Variants in LRPPRC observed in about 807,000 individuals in gnomAD.
LRPPRC encodes the protein leucine-rich PPR motif-containing protein, mitochondrial.
In LRPPRC, 120 loss-of-function variants were observed where a neutral mutation model predicts 180.3. The observed-to-expected ratio is 0.67, with a 90% CI of 0.57 to 0.77. The LOEUF (loss-of-function observed/expected upper bound fraction) is 0.77, where lower values mean the gene tolerates loss of function less well. LRPPRC is among the 30% of genes least tolerant of loss of function. The pLI is 0.00. For synonymous variants in LRPPRC, 723 were observed against 600.0 expected (o/e 1.21, Z -3.00); for missense variants, 2,012 against 1,657.2 (o/e 1.21, Z -3.72).
intron 1 of LRPPRC, among the ~76,000 whole-genome samples, chr2:43,985,542 A>T (rs1255916110): frequency 6.6e-6 from 1 of 152,074 alleles, no homozygotes; most frequent in Middle Eastern, 3.2e-3. Flanking sequence ...ACCTGTCTCT[A>T]GTTTTGCCTT....
Position 43,957,377 on chromosome 2 carries a change from C to T in LRPPRC, c.1649+8G>A, listed in dbSNP as rs370119141. 3.2e-5 allele frequency: 51 copies of T among 1,603,334 alleles called. No homozygotes were observed. Among genetic ancestry groups the T allele is most frequent in the Admixed American group, 1.7e-4 (10 of 59,988 alleles). On this transcript the variant is annotated splice_region_variant and intron_variant, in intron 14 of 37. Transcript: ENST00000260665. ...TCAGGCAAGGAACATTTAAGTTGAT[C>T]ATCTTACCTCCTGAAGCCTAGCAGT...
Position 43,981,994 on chromosome 2 carries a change from GC to G in LRPPRC, c.346+243del, listed in dbSNP as rs150989251. ...GCGATCTTAGCTCACTACAACCTCT[GC>G]CTCCTGGGTTCAAGCGATTCTCATG... On this transcript the variant is annotated intron_variant, in intron 2 of 37. Transcript: ENST00000260665. 0.07 allele frequency among the ~76,000 whole-genome samples: 10,711 copies of G among 152,062 alleles called. 526 individuals carry two copies. The highest frequency in any genetic ancestry group is 0.14 in the South Asian group (653 of 4,816).
chr2:43,961,124 TAAGC>T (rs1164776300), intron 12 of LRPPRC, among the ~76,000 whole-genome samples: 1 of 151,920 alleles, frequency 6.6e-6, no homozygotes. Flanking sequence ...TAATCAGCAA[TAAGC>T]AAGGATAAAA....
chr2:43,967,383 T>C (rs1358732427), intron 11 of LRPPRC, among the ~76,000 whole-genome samples: 1 of 118,554 alleles, frequency 8.4e-6, no homozygotes, highest in African/African-American at 3.4e-5. Flanking sequence ...ATCATATAGA[T>C]AGATGATCGA....
At chr2:43,905,657 T>C in intron 31 of LRPPRC, 35 bp downstream of exon 31, 4 of 1,452,626 alleles carry the variant, frequency 2.8e-6, no homozygotes, top group Non-Finnish European at 3.9e-6. Flanking sequence ...TGCAGAGGCA[T>C]TAATGTGACG....
chr2:43,969,836 G>T (rs561015515), intron 11 of LRPPRC, among the ~76,000 whole-genome samples: 35 of 151,806 alleles, frequency 2.3e-4, no homozygotes, highest in African/African-American at 7.5e-4. Flanking sequence ...CACCTCGCTC[G>T]GCTAATTTTT....
intron 23 of LRPPRC, among the ~76,000 whole-genome samples, chr2:43,937,547 T>C (rs1313308544): frequency 1.3e-5 from 2 of 152,200 alleles, no homozygotes; most frequent in East Asian, 3.8e-4. Context: ...AAAATTTGCA[T>C]TGCTATGAAG....
chr2:43,989,886 G>C (rs573941255), intron 1 of LRPPRC, among the ~76,000 whole-genome samples: 14 of 152,172 alleles, frequency 9.2e-5, no homozygotes, highest in Non-Finnish European at 1.8e-4. Context: ...TGAAATGTTT[G>C]TATGATGTTA....
In LRPPRC at chr2:43,894,566, T is replaced by G; in HGVS notation, c.3964A>C (p.Asn1322His). The G allele has an allele frequency of 1.3e-6, 2 of 1,543,562 alleles. No homozygotes were observed. Among genetic ancestry groups the G allele is most frequent in the Non-Finnish European group, 9.0e-7 (1 of 1,116,024 alleles). ...TTACCATAGCTTTTCATGAGGGAAT[T>G]GTATGCTTCTTCCTTTTCATTTAAT... ...PELNEKEEAYNSLMKSYVSEK... is the reference protein window; with the variant it reads ...PELNEKEEAYHSLMKSYVSEK... The change falls in exon 36 of 38, where the codon AAT (asparagine) becomes CAT (histidine). Residue 1322 changes from asparagine to histidine, a missense_variant. By Grantham distance (68) the Asn-to-His change is moderately conservative (BLOSUM62 1). Coordinates refer to ENST00000260665, the MANE Select transcript of LRPPRC (RefSeq NM_133259.4).
intron 25 of LRPPRC, among the ~76,000 whole-genome samples, chr2:43,932,454 C>G (rs1672125910): frequency 6.6e-6 from 1 of 152,042 alleles, no homozygotes; most frequent in Non-Finnish European, 1.5e-5. Flanking sequence ...CTATTCTTCA[C>G]CCTTTAAAAA....
At chr2:43,928,946 A>C (rs1228145157) in intron 25 of LRPPRC, among the ~76,000 whole-genome samples, 1 of 152,210 alleles carries the variant, frequency 6.6e-6, no homozygotes, top group East Asian at 1.9e-4. Context: ...TAGCAATAGC[A>C]AATAGTCGAT....
intron 11 of LRPPRC, among the ~76,000 whole-genome samples, chr2:43,970,826 G>C (rs1019312509): frequency 1.2e-4 from 19 of 152,228 alleles, no homozygotes; most frequent in African/African-American, 4.3e-4. Flanking sequence ...TCCGCCAAGA[G>C]TGGTGGCTCA....
Position 43,925,921 on chromosome 2 carries a change from A to C in LRPPRC, c.2777T>G (p.Phe926Cys). The C allele has an allele frequency of 1.2e-6, 2 of 1,613,102 alleles. No homozygotes were observed. Among genetic ancestry groups the C allele is most frequent in the Non-Finnish European group, 1.7e-6 (2 of 1,179,040 alleles). Reference sequence around the variant, plus strand: ...ATTATTTGCAACACATCTGTCACAAAACCACTGAAGCCTTGCAGATCGAGC... The same window carrying C: ...ATTATTTGCAACACATCTGTCACAACACCACTGAAGCCTTGCAGATCGAGC... ...IRARSARLQW[F>C]CDRCVANNQV... is the part of the protein sequence containing the mutation. The change falls in exon 26 of 38, where the codon TTT becomes TGT. Residue 926 changes from phenylalanine (F) to cysteine (C), a missense_variant. Transcript: ENST00000260665.
At chr2:43,915,230 TCTCACACACACACA>T (rs1235444680) in intron 29 of LRPPRC, among the ~76,000 whole-genome samples, 5 of 47,402 alleles carry the variant, frequency 1.1e-4, no homozygotes, top group African/African-American at 5.4e-4. Context: ...TCTCTCTCTC[TCTCACACACACACA>T]CACACACACA....
intron 13 of LRPPRC, chr2:43,959,264 T>G (rs768939894): frequency 2.8e-6 from 2 of 709,688 alleles, no homozygotes; most frequent in South Asian, 1.5e-5. Flanking sequence ...TACACTCAGA[T>G]AGCAGCCAGC....
intron 18 of LRPPRC, 97 bp downstream of exon 18, chr2:43,948,025 T>C: frequency 1.1e-6 from 1 of 886,732 alleles, no homozygotes. Context: ...AAACAAATTT[T>C]TTTTCTGACC....
In LRPPRC at chr2:43,946,191, G is replaced by T; in HGVS notation, c.2132C>A (p.Thr711Asn). 6.2e-7 allele frequency: 1 copy of T among 1,610,872 alleles called. No homozygotes were observed. The highest frequency in any genetic ancestry group is 8.5e-7 in the Non-Finnish European group (1 of 1,177,284). The change falls in exon 21 of 38, where the codon ACT becomes AAT. Residue 711 changes from threonine to asparagine, a missense_variant. Coordinates refer to ENST00000260665, the MANE Select transcript of LRPPRC (RefSeq NM_133259.4). ...ATTTATTAAAGCTGCATAGCCACCA[G>T]TAACCATGTCGGATTCATATTTTGC... ...LKAKYESDMVTGGYAALINLC... is the reference protein window; with the variant it reads ...LKAKYESDMVNGGYAALINLC...
At chr2:43,950,984 T>G (rs535346606) in intron 14 of LRPPRC, among the ~76,000 whole-genome samples, 8 of 152,254 alleles carry the variant, frequency 5.3e-5, no homozygotes, top group Admixed American at 4.6e-4. Context: ...GCAGGAGAAT[T>G]GCCTGAACCC....
chr2:43,972,577 G>C (rs995293084), intron 11 of LRPPRC, among the ~76,000 whole-genome samples: 1 of 152,138 alleles, frequency 6.6e-6, no homozygotes. Flanking sequence ...TTACCTTTTG[G>C]AGCTTTCAGA....
Sources: allele counts gnomAD v4.1 joint callset (sites outside exome capture counted in the v4.1 genomes callset), GRCh38; gene constraint gnomAD v4.1.1; transcripts MANE v1.5; gene names NCBI Gene and HGNC (gene_info 2026-07-23, HGNC 2026-07-21).